Variants in EEIG1 observed in about 807,000 individuals in gnomAD.
EEIG1 encodes the protein estrogen-induced osteoclastogenesis regulator 1.
the EEIG1 span, among the ~76,000 whole-genome samples, chr9:127,966,173 C>T: frequency 4.6e-5 from 7 of 152,152 alleles, no homozygotes; most frequent in African/African-American, 1.7e-4. Context: ...GGCATGGGCA[C>T]AGGGTGGAGG....
the EEIG1 span, among the ~76,000 whole-genome samples, chr9:127,977,565 C>A: frequency 6.6e-6 from 1 of 152,220 alleles, no homozygotes; most frequent in Admixed American, 6.5e-5. Context: ...CCACCGCCCA[C>A]CAAAGACCCG....
the EEIG1 span, chr9:127,980,268 G>T: frequency 9.3e-7 from 1 of 1,077,292 alleles, no homozygotes; most frequent in Non-Finnish European, 1.3e-6. Flanking sequence ...CGGAGACGGC[G>T]GAGATCGGAG....
chr9:127,940,861 GGA>G, the EEIG1 span: 1 of 51,882 alleles, frequency 1.9e-5, no homozygotes, highest in Non-Finnish European at 6.2e-5. Flanking sequence ...GCGGTAAACA[GGA>G]AAAAAAAAAA....
At chr9:127,955,574 T>C in the EEIG1 span, among the ~76,000 whole-genome samples, 1 of 152,196 alleles carries the variant, frequency 6.6e-6, no homozygotes, top group African/African-American at 2.4e-5. Context: ...GCAGACTGTA[T>C]TTACCCAGTG....
At chr9:127,977,575 G>T in the EEIG1 span, among the ~76,000 whole-genome samples, 1 of 152,148 alleles carries the variant, frequency 6.6e-6, no homozygotes, top group African/African-American at 2.4e-5. Context: ...CCAAAGACCC[G>T]GAAAGGGCTG....
the EEIG1 span, chr9:127,943,011 T>TCC: frequency 1.5e-6 from 1 of 648,050 alleles, no homozygotes; most frequent in Admixed American, 2.3e-5. Context: ...GCCAGGAGGG[T>TCC]CCCAGCATGG....
At chr9:127,947,101 A>G in the EEIG1 span, among the ~76,000 whole-genome samples, 1 of 152,066 alleles carries the variant, frequency 6.6e-6, no homozygotes, top group Non-Finnish European at 1.5e-5. Context: ...AGTACCAGTG[A>G]TAATTTAATA....
the EEIG1 span, among the ~76,000 whole-genome samples, chr9:127,962,564 T>C: frequency 6.6e-6 from 1 of 152,104 alleles, no homozygotes; most frequent in Admixed American, 6.5e-5. Context: ...GTGACCTCCA[T>C]GGCCTGTGAG....
the EEIG1 span, among the ~76,000 whole-genome samples, chr9:127,955,866 A>C: frequency 6.6e-6 from 1 of 152,250 alleles, no homozygotes; most frequent in Non-Finnish European, 1.5e-5. Context: ...GAGGGCAGGC[A>C]GACCTGGGCC....
the EEIG1 span, among the ~76,000 whole-genome samples, chr9:127,978,092 C>T: frequency 9.9e-5 from 15 of 152,160 alleles, no homozygotes; most frequent in Non-Finnish European, 1.9e-4. Flanking sequence ...CAGCCACCCC[C>T]ACCACAAGGG....
At chr9:127,948,324 G>C in the EEIG1 span, 3 of 1,613,420 alleles carry the variant, frequency 1.9e-6, no homozygotes, top group Non-Finnish European at 2.5e-6. Flanking sequence ...CTAGTGCCCG[G>C]GACTGGGCTC....
chr9:127,942,881 C>T, the EEIG1 span: 1 of 445,548 alleles, frequency 2.2e-6, no homozygotes, highest in Non-Finnish European at 4.2e-6. Context: ...CAGTCTCCAG[C>T]AGCGCCGGTC....
the EEIG1 span, among the ~76,000 whole-genome samples, chr9:127,964,813 C>T: frequency 6.6e-6 from 1 of 151,952 alleles, no homozygotes; most frequent in Non-Finnish European, 1.5e-5. Flanking sequence ...ATAAAAATAT[C>T]CCTGGCAGCC....
the EEIG1 span, chr9:127,950,370 G>C: frequency 1.3e-6 from 2 of 1,568,872 alleles, no homozygotes; most frequent in Admixed American, 3.3e-5. Context: ...TGAGCAGCCT[G>C]GTTTGTCCCC....
At chr9:127,950,642 T>C in the EEIG1 span, 1 of 1,528,320 alleles carries the variant, frequency 6.5e-7, no homozygotes, top group Non-Finnish European at 8.8e-7. Flanking sequence ...GGGAGACAGA[T>C]AAAGCCCCTG....
At chr9:127,957,993 G>A in the EEIG1 span, among the ~76,000 whole-genome samples, 4 of 152,190 alleles carry the variant, frequency 2.6e-5, no homozygotes, top group East Asian at 1.9e-4. Flanking sequence ...CAGCCTGGGC[G>A]ACAGAGGGAG....
chr9:127,955,618 C>T, the EEIG1 span, among the ~76,000 whole-genome samples: 1 of 152,198 alleles, frequency 6.6e-6, no homozygotes, highest in Non-Finnish European at 1.5e-5. Flanking sequence ...GGCGGGGGAA[C>T]AGATGAATCA....
At chr9:127,980,278 G>C in the EEIG1 span, 1 of 1,001,358 alleles carries the variant, frequency 1.0e-6, no homozygotes, top group Non-Finnish European at 1.4e-6. Flanking sequence ...GGAGATCGGA[G>C]TCCGGGGCCC....
At chr9:127,965,136 A>C in the EEIG1 span, among the ~76,000 whole-genome samples, 1 of 145,214 alleles carries the variant, frequency 6.9e-6, no homozygotes, top group East Asian at 2.0e-4. Flanking sequence ...AAAAAAAAAA[A>C]AAAAAAAAAC....
Sources: gnomAD v4.1 joint callset for allele counts (sites outside exome capture counted in the v4.1 genomes callset) on GRCh38, gnomAD v4.1.1 for gene constraint, MANE v1.5 for transcripts, NCBI Gene and HGNC (gene_info 2026-07-23, HGNC 2026-07-21) for gene names.